Variants in GPR173 observed in about 807,000 individuals in gnomAD.
GPR173 encodes G protein-coupled receptor 173, also known as probable G protein-coupled receptor 173.
A neutral mutation model predicts 13.9 loss-of-function variants in GPR173; 2 were observed. The ratio of observed to expected loss-of-function variants is 0.14; its 90% CI spans 0.06 to 0.45. GPR173 has a LOEUF of 0.45. Among genes scored for constraint, GPR173 ranks in the 20% least tolerant of loss-of-function variants. The pLI, the probability that GPR173 is intolerant of heterozygous loss-of-function variation, is 0.98. For missense variants in GPR173, 202 were observed against 340.5 expected (o/e 0.59, Z 3.20); for synonymous variants, 131 against 141.0 (o/e 0.93, Z 0.50).
intron 1 of GPR173, among the ~76,000 whole-genome samples, chrX:53,073,973 T>G (rs1338712145): frequency 5.8e-4 from 6 of 10,373 alleles, no homozygotes; most frequent in Non-Finnish European, 5.2e-4. Context: ...AAATATATAT[T>G]TATATTTATA....
chrX:53,070,792 A>G (rs782129915), intron 1 of GPR173, among the ~76,000 whole-genome samples: 2 of 111,425 alleles, frequency 1.8e-5, no homozygotes, highest in African/African-American at 6.5e-5. Context: ...CCCTCTGCAC[A>G]TGTAATTTAA....
intron 1 of GPR173, chrX:53,070,868 G>A (rs1434296160): frequency 1.8e-5 from 2 of 110,908 alleles, no homozygotes; most frequent in Non-Finnish European, 3.8e-5. Context: ...AGAAATAAAA[G>A]AAAAATGATT....
intron 1 of GPR173, among the ~76,000 whole-genome samples, chrX:53,056,250 G>T (rs782119494): frequency 2.2e-4 from 24 of 110,202 alleles, no homozygotes; most frequent in African/African-American, 7.0e-4. Context: ...GAGAACGGGA[G>T]TATTTAGATG....
chrX:53,075,688 C>T (rs1367503984), intron 1 of GPR173, among the ~76,000 whole-genome samples: 13 of 110,228 alleles, frequency 1.2e-4, no homozygotes, highest in African/African-American at 1.3e-4. Context: ...GGCATCTCTG[C>T]GACTTCACCT....
intron 1 of GPR173, among the ~76,000 whole-genome samples, chrX:53,067,823 C>CAAA (rs58304820): frequency 1.3e-3 from 97 of 77,299 alleles, no homozygotes; most frequent in African/African-American, 3.8e-3. Flanking sequence ...GACTCCATCT[C>CAAA]AAAAAAAAAA....
chrX:53,062,018 G>A (rs1932133389), intron 1 of GPR173, among the ~76,000 whole-genome samples: 1 of 109,810 alleles, frequency 9.1e-6, no homozygotes, highest in Non-Finnish European at 1.9e-5. Context: ...GAAGAGAAGA[G>A]AAGAAAAGGG....
intron 1 of GPR173, 76 bp from the exon 2 acceptor site, chrX:53,076,449 A>C: frequency 2.6e-6 from 1 of 381,997 alleles, no homozygotes; most frequent in Non-Finnish European, 4.5e-6. Context: ...TCTTGCCCTC[A>C]TCTCTCTGTC....
At chrX:53,067,618 G>A (rs1556804330) in intron 1 of GPR173, among the ~76,000 whole-genome samples, 1 of 111,314 alleles carries the variant, frequency 9.0e-6, no homozygotes, top group African/African-American at 3.3e-5. Flanking sequence ...GAGGTCAGGA[G>A]ATCAAGACCA....
At chrX:53,073,628 T>C (rs1207255243) in intron 1 of GPR173, among the ~76,000 whole-genome samples, 4 of 106,206 alleles carry the variant, frequency 3.8e-5, no homozygotes, top group African/African-American at 1.4e-4. Flanking sequence ...TTTGATATAT[T>C]GTCACTGAGA....
At chrX:53,067,773 G>C (rs976877795) in intron 1 of GPR173, among the ~76,000 whole-genome samples, 1 of 102,127 alleles carries the variant, frequency 9.8e-6, no homozygotes, top group Admixed American at 1.1e-4. Context: ...GCAGTGAGCC[G>C]AGATCGTGCC....
chrX:53,053,795 C>T (rs1931994196), intron 1 of GPR173, among the ~76,000 whole-genome samples: 2 of 112,810 alleles, frequency 1.8e-5, no homozygotes, highest in South Asian at 7.3e-4. Flanking sequence ...AACTATGACA[C>T]CTGATGCCTG....
intron 1 of GPR173, among the ~76,000 whole-genome samples, chrX:53,067,173 G>A (rs782702594): frequency 8.9e-6 from 1 of 111,829 alleles, no homozygotes; most frequent in African/African-American, 3.2e-5. Context: ...ATCTAAGTTA[G>A]TGTCATCTCA....
chrX:53,071,858 G>A (rs1932262122), intron 1 of GPR173, among the ~76,000 whole-genome samples: 1 of 111,627 alleles, frequency 9.0e-6, no homozygotes, highest in African/African-American at 3.2e-5. Context: ...GTATGTGTGA[G>A]TGTGTGTGTG....
chrX:53,074,060 A>AT, intron 1 of GPR173, among the ~76,000 whole-genome samples: 5 of 39,757 alleles, frequency 1.3e-4, no homozygotes, highest in Non-Finnish European at 1.1e-4. Flanking sequence ...ATATATTTAT[A>AT]AATATATAAA....
chrX:53,065,022 AT>A (rs1556804106), intron 1 of GPR173: 1 of 111,921 alleles, frequency 8.9e-6, no homozygotes, highest in African/African-American at 3.3e-5. Flanking sequence ...GGTTTGATTT[AT>A]TTTATGGTCC....
chrX:53,068,268 A>G (rs1196962659), intron 1 of GPR173, among the ~76,000 whole-genome samples: 1 of 111,076 alleles, frequency 9.0e-6, no homozygotes, highest in Non-Finnish European at 1.9e-5. Context: ...TGTTTGAAAT[A>G]CTCTATAATA....
rs370688515 is a variant in GPR173, at chrX:53,078,018, GTC to G, written c.*302_*303del. 14,634 of 228,712 alleles carry G rather than the reference GTC, an allele frequency of 0.064. 1 individual carries two copies. Among genetic ancestry groups the G allele is most frequent in the East Asian group, 0.095 (1,263 of 13,306 alleles). 18.8% of individuals were successfully genotyped at this position (228,712 alleles called of 1,213,427 possible). A position where few individuals can be genotyped will look rare whatever the true frequency, so the allele number is the denominator to read the frequency against. ...TCTCATTCTCTCTCTCTCTCTCTCT[GTC>G]TCTCTCTCTCTCTCTCTCTCTCTCT... is the stretch of plus-strand genomic sequence containing the variant. On this transcript the variant is annotated 3_prime_UTR_variant, in exon 2 of 2. Transcript: ENST00000332582.
chrX:53,073,178 TTC>T (rs1403577127), intron 1 of GPR173, among the ~76,000 whole-genome samples: 1 of 106,716 alleles, frequency 9.4e-6, no homozygotes, highest in Non-Finnish European at 1.9e-5. Context: ...TGAGCTGAGA[TTC>T]TGCCACTGCA....
rs1286220354 is a variant in GPR173, at chrX:53,048,887, G to A, written c.-695G>A. Among the ~76,000 whole-genome samples the A allele has an allele frequency of 9.0e-6, 1 of 110,961 alleles. No homozygotes were observed. The highest frequency in any genetic ancestry group is 1.9e-5 in the Non-Finnish European group (1 of 52,617). ...CTTCCCCATCCCCGCCAGGCCCGGG[G>A]AGCGGGGTGAGCCTGGATGAGAGCC... On this transcript the variant is annotated 5_prime_UTR_variant, in exon 1 of 2. Coordinates refer to ENST00000332582, the MANE Select transcript of GPR173 (RefSeq NM_018969.6).
Sources: allele counts gnomAD v4.1 joint callset (sites outside exome capture counted in the v4.1 genomes callset), GRCh38; gene constraint gnomAD v4.1.1; transcripts MANE v1.5; gene names NCBI Gene and HGNC (gene_info 2026-07-23, HGNC 2026-07-21).